SCRG1: variants seen among roughly 807,000 people sequenced by gnomAD.
SCRG1 encodes scrapie-responsive protein 1.
A neutral mutation model predicts 7.7 loss-of-function variants in SCRG1; 3 were observed. The ratio of observed to expected loss-of-function variants is 0.39; its 90% CI spans 0.18 to 1.01. SCRG1 has a LOEUF of 1.01. Among genes scored for constraint, SCRG1 ranks in the 50% least tolerant of loss-of-function variants. The pLI, the probability that SCRG1 is intolerant of heterozygous loss-of-function variation, is 0.36. For synonymous variants in SCRG1, 46 were observed against 41.2 expected, an observed-to-expected ratio of 1.12 and a Z score of -0.44; for missense variants, 110 against 117.2, an observed-to-expected ratio of 0.94 and a Z score of 0.28.
chr4:173,456,758 C>CA, the SCRG1 span, among the ~76,000 whole-genome samples: 2 of 152,044 alleles, frequency 1.3e-5, no homozygotes, highest in African/African-American at 4.8e-5. Context: ...TAAGGATTGA[C>CA]AAAAAAAAAG....
At chr4:173,512,017 G>A in the SCRG1 span, among the ~76,000 whole-genome samples, 8 of 152,208 alleles carry the variant, frequency 5.3e-5, no homozygotes, top group Non-Finnish European at 1.0e-4. Context: ...CAGAACACAA[G>A]CATCAGACTC....
At chr4:173,459,099 A>G in the SCRG1 span, among the ~76,000 whole-genome samples, 1 of 152,262 alleles carries the variant, frequency 6.6e-6, no homozygotes, top group Non-Finnish European at 1.5e-5. Context: ...CCAACACAGG[A>G]ACACCCAGAT....
the SCRG1 span, among the ~76,000 whole-genome samples, chr4:173,484,697 T>C: frequency 4.1e-5 from 4 of 98,506 alleles, no homozygotes; most frequent in Admixed American, 5.3e-4. Context: ...TTATATATTA[T>C]ATGCATATAA....
chr4:173,489,510 ATT>A, the SCRG1 span, among the ~76,000 whole-genome samples: 8 of 134,946 alleles, frequency 5.9e-5, no homozygotes, highest in African/African-American at 1.1e-4. Flanking sequence ...TGCGTTTCTA[ATT>A]TTTTTTTTTT....
intron 1 of SCRG1, among the ~76,000 whole-genome samples, chr4:173,398,709 A>AT (rs1176784503): frequency 1.3e-5 from 2 of 152,238 alleles, no homozygotes; most frequent in Non-Finnish European, 2.9e-5. Context: ...ACAATCCTAT[A>AT]TACTTTATCA....
the SCRG1 span, among the ~76,000 whole-genome samples, chr4:173,484,540 T>TATACATATA: frequency 2.4e-5 from 2 of 82,932 alleles, no homozygotes; most frequent in African/African-American, 5.1e-5. Context: ...TTATATATTA[T>TATACATATA]GTATATTTTA....
At chr4:173,476,503 C>G in the SCRG1 span, among the ~76,000 whole-genome samples, 2 of 151,754 alleles carry the variant, frequency 1.3e-5, no homozygotes, top group South Asian at 4.2e-4. Flanking sequence ...CAGAACCACA[C>G]GAGCCCACCC....
chr4:173,434,701 G>T, the SCRG1 span, among the ~76,000 whole-genome samples: 1 of 152,082 alleles, frequency 6.6e-6, no homozygotes, highest in Non-Finnish European at 1.5e-5. Context: ...GTGTCGTGGT[G>T]ACGCCTGTAA....
the SCRG1 span, among the ~76,000 whole-genome samples, chr4:173,490,515 G>A: frequency 6.6e-6 from 1 of 152,114 alleles, no homozygotes; most frequent in Non-Finnish European, 1.5e-5. Context: ...TGCGGGTCAT[G>A]GACATTTTGG....
the SCRG1 span, among the ~76,000 whole-genome samples, chr4:173,484,882 T>C: frequency 1.3e-5 from 1 of 74,328 alleles, no homozygotes; most frequent in Non-Finnish European, 2.3e-5. Flanking sequence ...ATATATTATA[T>C]ATTATATACA....
the SCRG1 span, among the ~76,000 whole-genome samples, chr4:173,421,449 T>A: frequency 1.3e-5 from 2 of 152,008 alleles, no homozygotes; most frequent in Non-Finnish European, 2.9e-5. Context: ...TTTTTTTATG[T>A]TTATGTTCAG....
At chr4:173,513,197 G>T in the SCRG1 span, among the ~76,000 whole-genome samples, 1 of 152,110 alleles carries the variant, frequency 6.6e-6, no homozygotes, top group Non-Finnish European at 1.5e-5. Context: ...GGCAGAATTT[G>T]ATCTCACTTT....
At chr4:173,506,216 G>C in the SCRG1 span, among the ~76,000 whole-genome samples, 2 of 152,184 alleles carry the variant, frequency 1.3e-5, no homozygotes, top group African/African-American at 4.8e-5. This position sits in a 1 kb window ranked among gnomAD's most constrained non-coding sequence, Gnocchi z 5.3. Context: ...CTTTCCTGTG[G>C]GTATTTTAGA....
At chr4:173,398,293 T>C (rs548139335) in intron 1 of SCRG1, 2 of 152,286 alleles carry the variant, frequency 1.3e-5, no homozygotes, top group East Asian at 3.9e-4. Flanking sequence ...ATCCACATCC[T>C]CCCTAAAAGT....
chr4:173,457,787 C>T, the SCRG1 span, among the ~76,000 whole-genome samples: 2 of 152,190 alleles, frequency 1.3e-5, no homozygotes, highest in Non-Finnish European at 2.9e-5. Flanking sequence ...ACCTATACTA[C>T]CTGGAGAGCT....
chr4:173,405,425 CA>C (rs1739875575), intron 1 of SCRG1, among the ~76,000 whole-genome samples: 1 of 152,158 alleles, frequency 6.6e-6, no homozygotes, highest in Non-Finnish European at 1.5e-5. Flanking sequence ...GGCTCCACTG[CA>C]CATTTACTCT....
At chr4:173,449,119 G>GTCGTTAGCA in the SCRG1 span, among the ~76,000 whole-genome samples, 11 of 152,200 alleles carry the variant, frequency 7.2e-5, no homozygotes, top group Admixed American at 1.3e-4. Flanking sequence ...GGCAATGTAG[G>GTCGTTAGCA]ACGTGTTACT....
the SCRG1 span, among the ~76,000 whole-genome samples, chr4:173,426,055 T>C: frequency 4.6e-5 from 7 of 152,200 alleles, no homozygotes; most frequent in Admixed American, 6.5e-5. Context: ...AATATAAATA[T>C]AGGAAGCCCA....
the SCRG1 span, among the ~76,000 whole-genome samples, chr4:173,479,126 C>T: frequency 3.7e-4 from 57 of 152,198 alleles, no homozygotes; most frequent in South Asian, 3.7e-3. Context: ...CATTCTACAC[C>T]GCTCCAATTC....
Sources: allele counts gnomAD v4.1 joint callset (sites outside exome capture counted in the v4.1 genomes callset), GRCh38; gene constraint gnomAD v4.1.1; non-coding constraint Gnocchi (gnomAD v3.1); transcripts MANE v1.5; gene names NCBI Gene and HGNC (gene_info 2026-07-23, HGNC 2026-07-21).